PDGFRB: variants seen among roughly 807,000 people sequenced by gnomAD.
PDGFRB encodes platelet-derived growth factor receptor beta.
PDGFRB carries 42 observed loss-of-function variants against 120.2 expected under a neutral mutation model. The observed-to-expected ratio is 0.35, with a 90% confidence interval of 0.27 to 0.45. The LOEUF (loss-of-function observed/expected upper bound fraction) is 0.45, where lower values mean the gene tolerates loss of function less well. PDGFRB is among the 20% of genes least tolerant of loss of function. PDGFRB has a pLI of 1.00. For synonymous variants in PDGFRB, 586 were observed against 606.8 expected (o/e 0.97, Z 0.50); for missense variants, 1,149 against 1,476.3 (o/e 0.78, Z 3.63).
At chr5:150,140,309 G>A (rs1484368002) in intron 1 of PDGFRB, among the ~76,000 whole-genome samples, 1 of 152,146 alleles carries the variant, frequency 6.6e-6, no homozygotes, top group Non-Finnish European at 1.5e-5. Flanking sequence ...TCTTTAGGAG[G>A]ACTGTACTCT....
At position 150,115,635 on chromosome 5, in the gene PDGFRB, A is replaced by C; in HGVS notation, c.*128T>G. 1.1e-6 allele frequency: 1 copy of C among 880,860 alleles called. No homozygotes were observed. Among genetic ancestry groups the C allele is most frequent in the Non-Finnish European group, 1.6e-6 (1 of 610,976 alleles). 54.6% of individuals were successfully genotyped at this position (880,860 alleles called of 1,614,324 possible). A position where few individuals can be genotyped will look rare whatever the true frequency, so the allele number is the denominator to read the frequency against. On this transcript the variant is annotated 3_prime_UTR_variant, in exon 23 of 23. Coordinates refer to ENST00000261799, the MANE Select transcript of PDGFRB (RefSeq NM_002609.4). ...TTGGGGCACAACACGTCAGGAGCAG[A>C]AAGCTTCCAGAAGGGGACAGCTGAT... is the stretch of plus-strand genomic sequence containing the variant.
At chr5:150,150,511 G>A (rs1035963575) in intron 1 of PDGFRB, among the ~76,000 whole-genome samples, 5 of 152,124 alleles carry the variant, frequency 3.3e-5, no homozygotes, top group African/African-American at 9.7e-5. Context: ...CTGAATTGAG[G>A]AGAGGAGGGG....
chr5:150,125,686 AG>A, intron 11 of PDGFRB, 109 bp from the exon 12 acceptor site: 1 of 950,126 alleles, frequency 1.1e-6, no homozygotes, highest in South Asian at 1.8e-5. Context: ...AGGCCCAGAG[AG>A]GGGCAGGGGC....
chr5:150,130,427 A>G (rs1580805537), intron 9 of PDGFRB, 112 bp downstream of exon 9: 1 of 1,049,160 alleles, frequency 9.5e-7, no homozygotes, highest in East Asian at 2.4e-5. Flanking sequence ...CCTAGGATGC[A>G]ACTCTATGCC....
At chr5:150,135,347 T>A (rs968651002) in intron 3 of PDGFRB, among the ~76,000 whole-genome samples, 8 of 152,032 alleles carry the variant, frequency 5.3e-5, no homozygotes, top group Non-Finnish European at 1.0e-4. Context: ...GAGGCAGGAA[T>A]AGGGTGACTG....
rs538440755 is a variant in PDGFRB at position 150,142,704 on chromosome 5, C to T, written c.-6-5651G>A. 7.4e-4 allele frequency among the ~76,000 whole-genome samples: 112 copies of T among 152,326 alleles called. No homozygotes were observed. In the Middle Eastern group the frequency reaches 0.014, roughly 19 times the overall value. On this transcript the variant is annotated intron_variant, in intron 1 of 22. Coordinates refer to ENST00000261799, the MANE Select transcript of PDGFRB (RefSeq NM_002609.4). ...ACTTTGGATAAAACCAAACCCCATA[C>T]ATACTATGTTCTTTTCCCTGCAAAT...
chr5:150,117,163 G>C (rs182174311), intron 22 of PDGFRB, among the ~76,000 whole-genome samples: 1 of 152,290 alleles, frequency 6.6e-6, no homozygotes, highest in East Asian at 1.9e-4. Context: ...AATTCCTTTA[G>C]GCACCTCTGA....
chr5:150,126,769 G>A (rs770262407), intron 10 of PDGFRB, among the ~76,000 whole-genome samples, 155 bp from the exon 11 acceptor site: 8 of 152,070 alleles, frequency 5.3e-5, no homozygotes, highest in African/African-American at 1.2e-4. Context: ...TCAGCATCTC[G>A]CTCTAGGCCA....
chr5:150,149,945 G>A (rs186035941), intron 1 of PDGFRB, among the ~76,000 whole-genome samples: 1 of 152,312 alleles, frequency 6.6e-6, no homozygotes, highest in East Asian at 1.9e-4. Context: ...GGGGCTAAGG[G>A]CAGAGCTGGA....
At chr5:150,149,208 C>G (rs1302094458) in intron 1 of PDGFRB, among the ~76,000 whole-genome samples, 1 of 152,084 alleles carries the variant, frequency 6.6e-6, no homozygotes, top group African/African-American at 2.4e-5. Context: ...TAGTGGGAGG[C>G]TGTGGATTAG....
In PDGFRB at chr5:150,120,148, T is replaced by C; in HGVS notation, c.2587-25A>G. ...TCTGTAGGGAGGTCAGGACAGGTGCTGAGTGCAAGGAAGGACCTCAGCCCC... is the reference window on the plus strand; with the variant it reads ...TCTGTAGGGAGGTCAGGACAGGTGCCGAGTGCAAGGAAGGACCTCAGCCCC... On this transcript the variant is annotated intron_variant, in intron 18 of 22. Transcript: ENST00000261799. The surrounding 1 kb of genome is among the most constrained non-coding windows in gnomAD (Gnocchi z 4.3). 1.9e-6 allele frequency: 2 copies of C among 1,066,528 alleles called. No homozygotes were observed. The highest frequency in any genetic ancestry group is 2.5e-5 in the South Asian group (2 of 80,296). The allele number at this position is 1,066,528 out of a possible 1,614,324, so 66.1% of individuals were successfully genotyped here.
rs142683442 is a variant in PDGFRB, at chr5:150,134,852, G to T, written c.529C>A (p.Arg177Ser). 3 of 1,614,116 alleles carry T rather than the reference G, an allele frequency of 1.9e-6. No individual in the cohort carries two copies. The highest frequency in any genetic ancestry group is 2.5e-6 in the Non-Finnish European group (3 of 1,180,048). The change falls in exon 4 of 23, where the codon CGT becomes AGT. Residue 177 changes from arginine to serine, a missense_variant. Arg to Ser is a moderately radical substitution (Grantham distance 110). Around this residue, in one of 3 missense-constraint regions of PDGFRB, gnomAD observed 879 missense variants for 1,108.6 expected, o/e 0.79. Transcript: ENST00000261799. ...TCCTCAAAGATACCAGAAAAGCCACGTTGGTGATCATAGGGGACAGGCAGT... is the reference window on the plus strand; with the variant it reads ...TCCTCAAAGATACCAGAAAAGCCACTTTGGTGATCATAGGGGACAGGCAGT... ...VALPVPYDHQRGFSGIFEDRS... is the reference protein window; with the variant it reads ...VALPVPYDHQSGFSGIFEDRS...
chr5:150,125,465 G>C lies in PDGFRB; in HGVS notation c.1787C>G (p.Pro596Arg), dbSNP rs748119964. 1.9e-6 allele frequency: 3 copies of C among 1,612,020 alleles called. No individual in the cohort carries two copies. The African/African-American group carries it at 4.0e-5, about 22-fold the overall frequency. The change falls in exon 12 of 23, where the codon CCG becomes CGG. Residue 596 changes from proline (P) to arginine (R), a missense_variant. Pro to Arg is a moderately radical substitution (Grantham distance 103, BLOSUM62 -2). This residue lies in a region of PDGFRB where 879 missense variants were observed against 1,108.6 expected (regional missense o/e 0.79). Coordinates refer to ENST00000261799, the MANE Select transcript of PDGFRB (RefSeq NM_002609.4). ...QLPYDSTWEL[P>R]RDQLVLGRTL... ...CTGACCCAGCACAAGCTGGTCCCGC[G>C]GCAGCTCCCACGTGGAGTCATAGGG...
Position 150,132,574 on chromosome 5 carries a change from C to G in PDGFRB, c.1127+176G>C, listed in dbSNP as rs1479365736. ...ACCGGCGACTGTTTCCTCCACTAGACTAGAAACTCTAGGAGGGATGAACTG... is the reference window on the plus strand; with the variant it reads ...ACCGGCGACTGTTTCCTCCACTAGAGTAGAAACTCTAGGAGGGATGAACTG... On this transcript the variant is annotated intron_variant, in intron 7 of 22. Coordinates refer to ENST00000261799, the MANE Select transcript of PDGFRB (RefSeq NM_002609.4). This position sits in a 1 kb window ranked among gnomAD's most constrained non-coding sequence, Gnocchi z 5.0. 6.6e-6 allele frequency among the ~76,000 whole-genome samples: 1 copy of G among 152,240 alleles called. No homozygotes were observed. The highest frequency in any genetic ancestry group is 2.4e-5 in the African/African-American group (1 of 41,462).
In PDGFRB at chr5:150,135,536, A is replaced by G; in HGVS notation, c.364+19T>C. ...GACAAGAGGGGTAAGGAGTGGGCAC[A>G]CAGGCTGGGAGCCCTTACCTGGCAC... On this transcript the variant is annotated intron_variant, in intron 3 of 22. Coordinates refer to ENST00000261799, the MANE Select transcript of PDGFRB (RefSeq NM_002609.4). 6.5e-7 allele frequency: 1 copy of G among 1,530,918 alleles called. No individual in the cohort carries two copies. Among genetic ancestry groups the G allele is most frequent in the African/African-American group, 1.4e-5 (1 of 73,434 alleles). 94.8% of individuals were successfully genotyped at this position (1,530,918 alleles called of 1,614,324 possible). A position where few individuals can be genotyped will look rare whatever the true frequency, so the allele number is the denominator to read the frequency against.
In PDGFRB at chr5:150,121,997, T is replaced by C; in HGVS notation, c.2227A>G (p.Met743Val). The change falls in exon 16 of 23, where the codon ATG (methionine) becomes GTG (valine). Residue 743 changes from methionine to valine, a missense_variant. Around this residue, in one of 3 missense-constraint regions of PDGFRB, gnomAD observed 879 missense variants for 1,108.6 expected, o/e 0.79. Transcript: ENST00000261799. The surrounding 1 kb of genome is among the most constrained non-coding windows in gnomAD (Gnocchi z 4.1). Reference protein sequence around the residue: ...TGESDGGYMDMSKDESVDYVP... With the variant: ...TGESDGGYMDVSKDESVDYVP... ...TAGTCCACCGACTCGTCCTTGCTCA[T>C]GTCCATGTAGCCACCGTCGCTCTCC... 6.2e-7 allele frequency: 1 copy of C among 1,613,876 alleles called. No homozygotes were observed. The highest frequency in any genetic ancestry group is 8.5e-7 in the Non-Finnish European group (1 of 1,179,858).
chr5:150,117,987 G>T (rs1263562870), intron 21 of PDGFRB, 137 bp from the exon 22 acceptor site: 29 of 624,096 alleles, frequency 4.6e-5, no homozygotes, highest in Non-Finnish European at 6.4e-5. Flanking sequence ...ATTTGCCCAA[G>T]CCACATGGTT....
At chr5:150,116,979 G>A (rs1051748867) in intron 22 of PDGFRB, among the ~76,000 whole-genome samples, 2 of 152,210 alleles carry the variant, frequency 1.3e-5, no homozygotes, top group African/African-American at 4.8e-5. Flanking sequence ...CGCTTTGGAG[G>A]TGGGCGTGGC....
At chr5:150,122,935 C>A in intron 15 of PDGFRB, 107 bp downstream of exon 15, 1 of 988,004 alleles carries the variant, frequency 1.0e-6, no homozygotes. Context: ...GTGATTCTGT[C>A]CCCTGCCCTG....
Sources: gnomAD v4.1 joint callset for allele counts (sites outside exome capture counted in the v4.1 genomes callset) on GRCh38, gnomAD v4.1.1 for gene constraint, gnomAD v4.1.1 regional missense constraint, Gnocchi (gnomAD v3.1) non-coding constraint, MANE v1.5 for transcripts, NCBI Gene and HGNC (gene_info 2026-07-23, HGNC 2026-07-21) for gene names.